The following UBE2L3 variants were observed in gnomAD, a reference collection of about 807,000 sequenced individuals.
UBE2L3 encodes the protein ubiquitin conjugating enzyme E2 L3, also known as ubiquitin-conjugating enzyme E2 L3.
UBE2L3 carries 1 observed loss-of-function variant against 17.8 expected under a neutral mutation model. That is an observed-to-expected ratio of 0.06 (90% CI 0.02 to 0.27). UBE2L3 has a LOEUF of 0.27. UBE2L3 is among the 10% of genes least tolerant of loss of function. The pLI is 1.00. For missense variants in UBE2L3, 40 were observed against 192.6 expected (o/e 0.21, Z 4.69); for synonymous variants, 44 against 68.5 (o/e 0.64, Z 1.76).
At chr22:21,594,609 T>C (rs1479640889) in intron 2 of UBE2L3, among the ~76,000 whole-genome samples, 1 of 152,212 alleles carries the variant, frequency 6.6e-6, no homozygotes, top group Non-Finnish European at 1.5e-5. Flanking sequence ...ATATGCTTTG[T>C]AATGATTTAG....
rs184600999 is a variant in UBE2L3, at chr22:21,582,547, C to T, written c.28-10314C>T. ...TTTTGTAGTTTTTTGTTTTTTGAGC[C>T]GGAGTTTCACTATTGTTGCCCAGCC... On this transcript the variant is annotated intron_variant, in intron 1 of 3. Transcript: ENST00000342192. Among the ~76,000 whole-genome samples the T allele has an allele frequency of 5.3e-5, 8 of 151,316 alleles. No individual in the cohort carries two copies. In the South Asian group the frequency reaches 6.3e-4, roughly 12 times the overall value.
At chr22:21,561,600 A>G (rs1926434997) in intron 1 of UBE2L3, among the ~76,000 whole-genome samples, 1 of 152,262 alleles carries the variant, frequency 6.6e-6, no homozygotes, top group Non-Finnish European at 1.5e-5. Context: ...AAGGGGGTCC[A>G]GCATGCATCT....
At chr22:21,582,403 G>C (rs570880531) in intron 1 of UBE2L3, among the ~76,000 whole-genome samples, 1 of 151,390 alleles carries the variant, frequency 6.6e-6, no homozygotes, top group African/African-American at 2.4e-5. Context: ...ACCCAGGCTG[G>C]AGTGCAGTGG....
chr22:21,563,881 T>G (rs578174361), upstream of UBE2L3, among the ~76,000 whole-genome samples: 14 of 152,002 alleles, frequency 9.2e-5, no homozygotes, highest in African/African-American at 3.1e-4. Flanking sequence ...GGACTATTTA[T>G]TTTTGTAGAT....
At position 21,614,880 on chromosome 22, in the gene UBE2L3, G is replaced by A. The variant is rs140426031; in HGVS notation, c.310+3837G>A. On this transcript the variant is annotated intron_variant, in intron 3 of 3. Transcript: ENST00000342192. ...TGAATAAACAAAATGTGAGCCAGGCGTGGTGGCTCACGCCTGTAATCCCAG... is the reference window on the plus strand; with the variant it reads ...TGAATAAACAAAATGTGAGCCAGGCATGGTGGCTCACGCCTGTAATCCCAG... 4.3e-3 allele frequency among the ~76,000 whole-genome samples: 659 copies of A among 152,184 alleles called. 3 individuals are homozygous for A. The highest frequency in any genetic ancestry group is 5.8e-3 in the Non-Finnish European group (393 of 67,984).
At chr22:21,580,430 ATT>A (rs1326019101) in intron 1 of UBE2L3, among the ~76,000 whole-genome samples, 1 of 151,994 alleles carries the variant, frequency 6.6e-6, no homozygotes, top group African/African-American at 2.4e-5. Flanking sequence ...TCTTGTTGGA[ATT>A]ACTCTTTTCT....
chr22:21,582,090 A>G (rs1023529184), intron 1 of UBE2L3, among the ~76,000 whole-genome samples: 10 of 150,376 alleles, frequency 6.7e-5, no homozygotes, highest in African/African-American at 2.0e-4. Context: ...ACTGCACTCC[A>G]GTCTGGGTGA....
At chr22:21,556,614 C>CT (rs747912504) in intron 1 of UBE2L3, among the ~76,000 whole-genome samples, 268 of 144,268 alleles carry the variant, frequency 1.9e-3, no homozygotes, top group Middle Eastern at 0.015. Flanking sequence ...TTTCTTTTTT[C>CT]TTTTTTTTTT....
intron 1 of UBE2L3, among the ~76,000 whole-genome samples, chr22:21,589,382 C>T (rs1047101766): frequency 2.0e-5 from 3 of 149,244 alleles, no homozygotes; most frequent in African/African-American, 4.9e-5. Flanking sequence ...CTCCTGACCT[C>T]GTGATCCGCC....
chr22:21,562,656 C>A (rs1347466178), intron 1 of UBE2L3, among the ~76,000 whole-genome samples: 1 of 149,858 alleles, frequency 6.7e-6, no homozygotes, highest in Non-Finnish European at 1.5e-5. Flanking sequence ...CAGGCGTGAG[C>A]CACCACGCCT....
rs368749172 is a variant in UBE2L3 at position 21,558,975 on chromosome 22, C to T, written c.201+9325C>T. ...ACAGTCCATGATCTATGAGAATGAGCTGCAGACTGGGAGGCAGGTGTCCCA... is the reference window on the plus strand; with the variant it reads ...ACAGTCCATGATCTATGAGAATGAGTTGCAGACTGGGAGGCAGGTGTCCCA... On this transcript the variant is annotated intron_variant, in intron 1 of 3. Transcript: ENST00000458578. Among the ~76,000 whole-genome samples, 54 of 151,888 alleles carry T rather than the reference C, an allele frequency of 3.6e-4. No homozygotes were observed. The East Asian group carries it at 7.8e-3, about 22-fold the overall frequency.
intron 1 of UBE2L3, among the ~76,000 whole-genome samples, chr22:21,562,255 C>T (rs1294691259): frequency 2.6e-4 from 39 of 149,502 alleles, no homozygotes; most frequent in South Asian, 1.1e-3. Flanking sequence ...AATGCAGTGG[C>T]GTGATCTCGG....
chr22:21,558,811 C>G (rs1326898338), intron 1 of UBE2L3, among the ~76,000 whole-genome samples: 4 of 152,158 alleles, frequency 2.6e-5, no homozygotes, highest in African/African-American at 9.7e-5. Context: ...ATTTTTGTTT[C>G]TATGTGTTTT....
chr22:21,586,326 C>T (rs1328345427), intron 1 of UBE2L3, among the ~76,000 whole-genome samples: 1 of 152,100 alleles, frequency 6.6e-6, no homozygotes, highest in Non-Finnish European at 1.5e-5. Flanking sequence ...AGTGCACTGG[C>T]GTGATCTCAG....
At chr22:21,568,787 G>A (rs1431301702) in intron 1 of UBE2L3, among the ~76,000 whole-genome samples, 1 of 152,184 alleles carries the variant, frequency 6.6e-6, no homozygotes, top group Non-Finnish European at 1.5e-5. Flanking sequence ...TAAAGAGCTG[G>A]GGTTCGTTCT....
rs542189192 is a variant in UBE2L3 at position 21,561,458 on chromosome 22, T to A, written c.201+11808T>A. On this transcript the variant is annotated intron_variant, in intron 1 of 3. Transcript: ENST00000458578. ...TTAGCCAGGCATGGAGGTGTGCACC[T>A]GTAGTTCTAGCTGCTTGAGAGTCTG... is the stretch of plus-strand genomic sequence containing the variant. Among the ~76,000 whole-genome samples, 14 of 152,420 alleles carry A rather than the reference T, an allele frequency of 9.2e-5. No individual in the cohort carries two copies. The South Asian group carries it at 2.9e-3, about 32-fold the overall frequency.
intron 1 of UBE2L3, among the ~76,000 whole-genome samples, chr22:21,575,910 A>G (rs1927265991): frequency 6.6e-6 from 1 of 152,072 alleles, no homozygotes; most frequent in East Asian, 2.0e-4. Context: ...CCAAAGGATT[A>G]CAGGCGTGAG....
intron 3 of UBE2L3, among the ~76,000 whole-genome samples, chr22:21,618,726 T>C (rs1025979860): frequency 1.3e-5 from 2 of 152,146 alleles, no homozygotes; most frequent in African/African-American, 2.4e-5. Flanking sequence ...GAGCTGGGAC[T>C]ACAGGCATGT....
chr22:21,589,174 C>T (rs1249479886), intron 1 of UBE2L3, among the ~76,000 whole-genome samples: 1 of 127,860 alleles, frequency 7.8e-6, no homozygotes, highest in Non-Finnish European at 1.6e-5. Flanking sequence ...GAGACGGAGT[C>T]TCGCTCTGTC....
Sources: gnomAD v4.1 joint callset for allele counts (sites outside exome capture counted in the v4.1 genomes callset) on GRCh38, gnomAD v4.1.1 for gene constraint, MANE v1.5 for transcripts, NCBI Gene and HGNC (gene_info 2026-07-23, HGNC 2026-07-21) for gene names.